Variants in DNAJC18 observed in about 807,000 individuals in gnomAD.
DNAJC18 encodes dnaJ homolog subfamily C member 18.
A neutral mutation model predicts 48.6 loss-of-function variants in DNAJC18; 40 were observed. The ratio of observed to expected loss-of-function variants is 0.82; its 90% CI spans 0.64 to 1.07. The LOEUF is 1.07. Among genes scored for constraint, DNAJC18 ranks in the 50% least tolerant of loss-of-function variants. The pLI is 0.00. For synonymous variants in DNAJC18, 135 were observed against 152.2 expected, an observed-to-expected ratio of 0.89 and a Z score of 0.83; for missense variants, 340 against 427.7, an observed-to-expected ratio of 0.79 and a Z score of 1.81.
chr5:139,421,743 G>A (rs768709845), intron 6 of DNAJC18, among the ~76,000 whole-genome samples: 2 of 152,114 alleles, frequency 1.3e-5, no homozygotes, highest in African/African-American at 2.4e-5. Flanking sequence ...GGGATGTGGA[G>A]GTTGAAGTGA....
chr5:139,425,873 T>G (rs1043136624), intron 4 of DNAJC18, among the ~76,000 whole-genome samples: 19 of 152,214 alleles, frequency 1.2e-4, no homozygotes, highest in African/African-American at 3.9e-4. Flanking sequence ...AATAGGCATT[T>G]TGTTACTTAT....
At chr5:139,417,017 C>T (rs1266426799) in intron 7 of DNAJC18, among the ~76,000 whole-genome samples, 13 of 151,998 alleles carry the variant, frequency 8.6e-5, no homozygotes, top group African/African-American at 2.7e-4. Context: ...CTTGAAACCC[C>T]GTCTCTACTA....
intron 7 of DNAJC18, among the ~76,000 whole-genome samples, 172 bp from the exon 8 acceptor site, chr5:139,414,444 G>A (rs1213378991): frequency 6.6e-6 from 1 of 152,260 alleles, no homozygotes; most frequent in African/African-American, 2.4e-5. Flanking sequence ...TAGACCAGGT[G>A]TGGAGGATTA....
chr5:139,432,845 T>G (rs1277770271), intron 2 of DNAJC18, among the ~76,000 whole-genome samples: 1 of 152,206 alleles, frequency 6.6e-6, no homozygotes. Context: ...CATCATAAAC[T>G]GAACTGCATT....
intron 7 of DNAJC18, among the ~76,000 whole-genome samples, chr5:139,415,797 AGTATT>A (rs2152082317): frequency 6.6e-6 from 1 of 152,352 alleles, no homozygotes; most frequent in East Asian, 1.9e-4. Context: ...CAGTTACACC[AGTATT>A]GAAACAGATT....
chr5:139,430,586 CT>C (rs70982778), intron 2 of DNAJC18, among the ~76,000 whole-genome samples: 91 of 145,818 alleles, frequency 6.2e-4, no homozygotes, highest in Middle Eastern at 3.6e-3. Flanking sequence ...ATATCTACCT[CT>C]TTTTTTTTTT....
At chr5:139,428,487 T>C (rs2152084305) in intron 3 of DNAJC18, 51 bp downstream of exon 3, 1 of 1,578,954 alleles carries the variant, frequency 6.3e-7, no homozygotes, top group African/African-American at 1.4e-5. Flanking sequence ...AAGCAACTTA[T>C]TATGACCAAC....
chr5:139,425,703 T>A (rs1335430527), intron 4 of DNAJC18, among the ~76,000 whole-genome samples: 1 of 152,186 alleles, frequency 6.6e-6, no homozygotes, highest in Non-Finnish European at 1.5e-5. Context: ...CATGTTCACG[T>A]CTGCTTCCGT....
At chr5:139,424,004 C>T (rs1759196496) in intron 5 of DNAJC18, among the ~76,000 whole-genome samples, 1 of 152,188 alleles carries the variant, frequency 6.6e-6, no homozygotes, top group South Asian at 2.1e-4. Flanking sequence ...AGGTTAGCAT[C>T]ATGCTTGGCC....
In DNAJC18 at chr5:139,417,168, C is replaced by T. The variant is rs190922410; in HGVS notation, c.952+2885G>A. 2.4e-4 allele frequency among the ~76,000 whole-genome samples: 33 copies of T among 139,042 alleles called. No homozygotes were observed. In the East Asian group the frequency reaches 5.5e-3, roughly 23 times the overall value. The allele number at this position is 139,042 out of a possible 152,430, so 91.2% of individuals were successfully genotyped here. ...TTGCATGACTGCACTCCAGCCTGAGCGAGAGAGCGAGACTCTGTCAAAAAA... is the reference window on the plus strand; with the variant it reads ...TTGCATGACTGCACTCCAGCCTGAGTGAGAGAGCGAGACTCTGTCAAAAAA... On this transcript the variant is annotated intron_variant, in intron 7 of 7. Coordinates refer to ENST00000302060, the MANE Select transcript of DNAJC18 (RefSeq NM_152686.4).
chr5:139,423,094 A>G lies in DNAJC18; in HGVS notation c.670-277T>C, dbSNP rs1437556725. Among the ~76,000 whole-genome samples the G allele has an allele frequency of 1.3e-5, 2 of 152,126 alleles. 1 individual carries two copies. Among genetic ancestry groups the G allele is most frequent in the East Asian group, 3.9e-4 (2 of 5,192 alleles). On this transcript the variant is annotated intron_variant, in intron 5 of 7. Transcript: ENST00000302060. ...TGATCTGCCCACCTCGGCCTCCCAG[A>G]GTGCTGGGATTACAGGTGTGAGCCA... is the stretch of plus-strand genomic sequence containing the variant.
intron 1 of DNAJC18, among the ~76,000 whole-genome samples, chr5:139,438,677 G>C (rs1750731277): frequency 6.6e-6 from 1 of 152,174 alleles, no homozygotes; most frequent in Non-Finnish European, 1.5e-5. Context: ...AAGTCGGCCT[G>C]GCTAACTCCG....
intron 3 of DNAJC18, among the ~76,000 whole-genome samples, chr5:139,426,868 C>T (rs1451196944): frequency 6.6e-6 from 1 of 152,134 alleles, no homozygotes; most frequent in African/African-American, 2.4e-5. Context: ...CACACACACA[C>T]AAAGAGTGCT....
At position 139,435,791 on chromosome 5, in the gene DNAJC18, G is replaced by A. The variant is rs190839407; in HGVS notation, c.227+1581C>T. ...GTGCAGTGGTGCTCACTGTAGCCTC[G>A]CCCTTCCTGGCTCCATCAATCCTCC... On this transcript the variant is annotated intron_variant, in intron 2 of 7. Coordinates refer to ENST00000302060, the MANE Select transcript of DNAJC18 (RefSeq NM_152686.4). Among the ~76,000 whole-genome samples, 524 of 134,214 alleles carry A rather than the reference G, an allele frequency of 3.9e-3. 3 individuals are homozygous for A. Among genetic ancestry groups the A allele is most frequent in the African/African-American group, 0.014 (490 of 36,086 alleles). 88.0% of individuals were successfully genotyped at this position (134,214 alleles called of 152,430 possible). A position where few individuals can be genotyped will look rare whatever the true frequency, so the allele number is the denominator to read the frequency against.
In DNAJC18 at chr5:139,410,813, G is replaced by C. The variant is rs914962743; in HGVS notation, c.*3335C>G. The C allele has an allele frequency of 1.3e-4, 20 of 151,826 alleles. No individual in the cohort carries two copies. The highest frequency in any genetic ancestry group is 4.6e-4 in the African/African-American group (19 of 40,980). The allele number at this position is 151,826 out of a possible 1,614,324, so 9.4% of individuals were successfully genotyped here. On this transcript the variant is annotated 3_prime_UTR_variant, in exon 8 of 8. Coordinates refer to ENST00000302060, the MANE Select transcript of DNAJC18 (RefSeq NM_152686.4). Reference sequence around the variant, plus strand: ...AGACAGAGTCTTGCTCTGTCACCCAGGCTGGAGTGCAATGATGTGATCTCA... The same window carrying C: ...AGACAGAGTCTTGCTCTGTCACCCACGCTGGAGTGCAATGATGTGATCTCA...
At chr5:139,428,327 G>T (rs1383131738) in intron 3 of DNAJC18, among the ~76,000 whole-genome samples, 2 of 152,120 alleles carry the variant, frequency 1.3e-5, no homozygotes, top group African/African-American at 4.8e-5. Context: ...AGCCCGGGAG[G>T]TGGAGGTTGC....
At chr5:139,416,406 T>C (rs1486605014) in intron 7 of DNAJC18, among the ~76,000 whole-genome samples, 1 of 152,190 alleles carries the variant, frequency 6.6e-6, no homozygotes, top group Non-Finnish European at 1.5e-5. Context: ...TAAGGTTCTC[T>C]GCAAAAGAGC....
chr5:139,421,001 A>G (rs1405364868), intron 6 of DNAJC18, among the ~76,000 whole-genome samples: 1 of 152,174 alleles, frequency 6.6e-6, no homozygotes, highest in Non-Finnish European at 1.5e-5. Context: ...AGCTGAAGCC[A>G]TGACTGCTCT....
intron 3 of DNAJC18, among the ~76,000 whole-genome samples, chr5:139,427,283 A>G (rs181881716): frequency 6.6e-6 from 1 of 152,370 alleles, no homozygotes; most frequent in African/African-American, 2.4e-5. Flanking sequence ...ACATATGTTT[A>G]CCAACATGTC....
Sources: gnomAD v4.1 joint callset for allele counts (sites outside exome capture counted in the v4.1 genomes callset) on GRCh38, gnomAD v4.1.1 for gene constraint, MANE v1.5 for transcripts, NCBI Gene and HGNC (gene_info 2026-07-23, HGNC 2026-07-21) for gene names.